FBXO17: variants seen among roughly 807,000 people sequenced by gnomAD.
The protein encoded by FBXO17 is F-box only protein 17.
Under a neutral mutation model 34.1 loss-of-function variants are expected in FBXO17, and 43 were observed. That is an observed-to-expected ratio of 1.26 (90% CI 0.99 to 1.62). The LOEUF (loss-of-function observed/expected upper bound fraction) is 1.62. FBXO17 is among the 40% of genes most tolerant of loss of function. The pLI, the probability that FBXO17 is intolerant of heterozygous loss-of-function variation, is 0.00. For missense variants in FBXO17, 424 were observed against 386.7 expected (o/e 1.10, Z -0.81); for synonymous variants, 169 against 166.0 (o/e 1.02, Z -0.14).
rs1277372341 is a variant in FBXO17 at position 38,945,044 on chromosome 19, C to T, written c.618G>A (p.Val206=). The T allele has an allele frequency of 1.1e-5, 17 of 1,614,102 alleles. No homozygotes were observed. The highest frequency in any genetic ancestry group is 1.4e-5 in the Non-Finnish European group (17 of 1,180,060). The change falls in exon 5 of 6, where the codon GTG becomes GTA. Residue 206 remains valine (V), a synonymous_variant. Transcript: ENST00000292852. ...VYQLRVRLLD[V]YEKEVVKFSA... ...AGAACTTGACCACTTCCTTTTCATA[C>T]ACATCCAGAAGGCGGACCCGGAGCT...
At chr19:38,957,779 C>T (rs1444136227) in intron 1 of FBXO17, among the ~76,000 whole-genome samples, 1 of 152,110 alleles carries the variant, frequency 6.6e-6, no homozygotes, top group East Asian at 1.9e-4. Flanking sequence ...CTGAATGAGC[C>T]CTCAGCTATC....
intron 1 of FBXO17, among the ~76,000 whole-genome samples, chr19:38,959,437 C>T (rs1975216901): frequency 1.3e-5 from 2 of 150,238 alleles, no homozygotes; most frequent in Non-Finnish European, 3.0e-5. Context: ...CGCCACCATG[C>T]CTAGCTAATT....
In FBXO17 at chr19:38,950,044, C is replaced by T; in HGVS notation, c.276G>A (p.Pro92=). ...GACAGTAGCGCGCCAGGGCGCACAGCGGGAACTCCTCCTTGTCTTCGTTGC... is the reference window on the plus strand; with the variant it reads ...GACAGTAGCGCGCCAGGGCGCACAGTGGGAACTCCTCCTTGTCTTCGTTGC... ...LPSNEDKEEF[P]LCALARYCLR... Residue 92 remains proline, a synonymous_variant, in exon 2 of 6, where the codon CCG becomes CCA. Transcript: ENST00000292852. The T allele has an allele frequency of 6.4e-7, 1 of 1,567,678 alleles. No homozygotes were observed. The highest frequency in any genetic ancestry group is 1.7e-4 in the Middle Eastern group (1 of 6,010).
At chr19:38,974,041 TATATACAC>T (rs1975428137) in intron 1 of FBXO17, among the ~76,000 whole-genome samples, 1 of 147,794 alleles carries the variant, frequency 6.8e-6, no homozygotes, top group African/African-American at 2.5e-5. Context: ...TACATATATA[TATATACAC>T]ATATATATAC....
intron 2 of FBXO17, chr19:38,949,683 C>G: frequency 1.8e-6 from 1 of 540,596 alleles, no homozygotes; most frequent in East Asian, 3.3e-5. Context: ...CGCGCCTGGC[C>G]CCTGTCCTGT....
intron 3 of FBXO17, chr19:38,946,844 A>C (rs905991990): frequency 2.2e-6 from 1 of 459,302 alleles, no homozygotes; most frequent in Non-Finnish European, 4.0e-6. Context: ...CTACAAATGA[A>C]GGCCACATAC....
At chr19:38,953,251 G>A (rs921074416) in intron 1 of FBXO17, among the ~76,000 whole-genome samples, 5 of 152,040 alleles carry the variant, frequency 3.3e-5, no homozygotes, top group Non-Finnish European at 5.9e-5. Context: ...AGGCTGCAGT[G>A]AGCTATGATT....
intron 5 of FBXO17, among the ~76,000 whole-genome samples, chr19:38,944,010 C>T (rs1203214893): frequency 6.6e-6 from 1 of 152,206 alleles, no homozygotes; most frequent in Admixed American, 6.5e-5. Flanking sequence ...CATGAGCTGT[C>T]ATTTCCAAGA....
intron 2 of FBXO17, 132 bp from the exon 3 acceptor site, chr19:38,948,810 G>A (rs1216167683): frequency 1.5e-5 from 10 of 688,786 alleles, no homozygotes; most frequent in African/African-American, 1.1e-4. Context: ...TTCTCCTACC[G>A]ACTCCTCCTC....
At chr19:38,965,547 C>T (rs1975308845) in intron 1 of FBXO17, among the ~76,000 whole-genome samples, 1 of 151,934 alleles carries the variant, frequency 6.6e-6, no homozygotes, top group African/African-American at 2.4e-5. Context: ...GCTCTTGTTG[C>T]CCAGGCTGGA....
At chr19:38,966,637 A>G (rs1327078970) in intron 1 of FBXO17, among the ~76,000 whole-genome samples, 1 of 152,198 alleles carries the variant, frequency 6.6e-6, no homozygotes, top group African/African-American at 2.4e-5. Flanking sequence ...AGTTACTAAC[A>G]GAAAAACGCC....
chr19:38,952,435 C>G (rs1431527321), intron 1 of FBXO17: 1 of 452,852 alleles, frequency 2.2e-6, no homozygotes, highest in African/African-American at 2.0e-5. Flanking sequence ...AACATTCCTA[C>G]CACCTTCTTG....
Position 38,942,404 on chromosome 19 carries a change from G to GGCT in FBXO17, c.*203_*204insAGC, listed in dbSNP as rs1160241516. On this transcript the variant is annotated 3_prime_UTR_variant, in exon 6 of 6. Transcript: ENST00000292852. The stretch of plus-strand genomic sequence containing the variant: ...AGCCTCCTGAGTAGCTGGGACTACA[G>GGCT]GCGGCACCACCATGCCTGGCTAATT... The GGCT allele has an allele frequency of 2.3e-6, 1 of 429,922 alleles. No individual in the cohort carries two copies. The highest frequency in any genetic ancestry group is 4.8e-5 in the Admixed American group (1 of 20,868). 26.6% of individuals were successfully genotyped at this position (429,922 alleles called of 1,614,324 possible).
intron 5 of FBXO17, among the ~76,000 whole-genome samples, chr19:38,943,099 C>T (rs984734808): frequency 1.3e-4 from 20 of 151,928 alleles, no homozygotes; most frequent in Admixed American, 5.2e-4. Context: ...AGGAACGGCC[C>T]GCGCAAAGGC....
chr19:38,961,309 T>C (rs972110351), intron 1 of FBXO17, among the ~76,000 whole-genome samples: 1 of 150,406 alleles, frequency 6.6e-6, no homozygotes, highest in Non-Finnish European at 1.5e-5. Context: ...GGCGTCTTAC[T>C]CTGTCACCCA....
At chr19:38,952,682 T>C in intron 1 of FBXO17, 1 of 530,760 alleles carries the variant, frequency 1.9e-6, no homozygotes. Context: ...TCTCAGTGAT[T>C]TCTATAACCA....
At chr19:38,971,365 G>A (rs1454947614) in intron 1 of FBXO17, among the ~76,000 whole-genome samples, 4 of 152,054 alleles carry the variant, frequency 2.6e-5, no homozygotes, top group African/African-American at 9.7e-5. Flanking sequence ...TGTGGGATAA[G>A]GACAGACACG....
chr19:38,943,994 T>C (rs1190178045), intron 5 of FBXO17, among the ~76,000 whole-genome samples: 1 of 152,216 alleles, frequency 6.6e-6, no homozygotes, highest in Non-Finnish European at 1.5e-5. Flanking sequence ...GAAAAAACTC[T>C]GCATCCATGA....
intron 1 of FBXO17, among the ~76,000 whole-genome samples, chr19:38,970,738 C>A (rs1165675618): frequency 6.6e-6 from 1 of 152,118 alleles, no homozygotes; most frequent in Non-Finnish European, 1.5e-5. Flanking sequence ...TTTGATTACA[C>A]AAATGCTCCT....
Sources: allele counts gnomAD v4.1 joint callset (sites outside exome capture counted in the v4.1 genomes callset), GRCh38; gene constraint gnomAD v4.1.1; transcripts MANE v1.5; gene names NCBI Gene and HGNC (gene_info 2026-07-23, HGNC 2026-07-21).